DCC: variants seen among roughly 807,000 people sequenced by gnomAD.
DCC encodes netrin receptor DCC.
DCC carries 58 observed loss-of-function variants against 172.5 expected under a neutral mutation model. The ratio of observed to expected loss-of-function variants is 0.34; its 90% CI spans 0.27 to 0.42. DCC has a LOEUF of 0.42. DCC is among the 10% of genes least tolerant of loss of function. DCC has a pLI of 1.00. For missense variants in DCC, 1,740 were observed against 1,791.0 expected (o/e 0.97, Z 0.51); for synonymous variants, 709 against 644.5 (o/e 1.10, Z -1.52).
At chr18:52,857,293 G>C (rs928936960) in intron 2 of DCC, among the ~76,000 whole-genome samples, 1 of 152,156 alleles carries the variant, frequency 6.6e-6, no homozygotes, top group African/African-American at 2.4e-5. Context: ...AAAGATACAT[G>C]CTAATGGATG....
intron 1 of DCC, among the ~76,000 whole-genome samples, chr18:52,676,139 C>A (rs2144980082): frequency 6.6e-6 from 1 of 152,256 alleles, no homozygotes; most frequent in East Asian, 1.9e-4. Flanking sequence ...AACAATGGAA[C>A]AGGAAACAGG....
At chr18:53,155,431 C>A (rs1432221194) in intron 7 of DCC, among the ~76,000 whole-genome samples, 2 of 152,142 alleles carry the variant, frequency 1.3e-5, no homozygotes, top group Non-Finnish European at 1.5e-5. Context: ...GACTTGAGAA[C>A]TTTAACAAAC....
chr18:53,205,191 C>T (rs769339663), intron 9 of DCC, 25 bp from the exon 10 acceptor site: 41 of 1,602,320 alleles, frequency 2.6e-5, no homozygotes, highest in Non-Finnish European at 3.5e-5. Flanking sequence ...ACTTTTCTTT[C>T]TTTCTTTATT....
intron 27 of DCC, among the ~76,000 whole-genome samples, chr18:53,512,650 A>G (rs2046271818): frequency 6.6e-6 from 1 of 152,072 alleles, no homozygotes; most frequent in African/African-American, 2.4e-5. Flanking sequence ...AGGCTGGAGA[A>G]CTATGTGAAG....
intron 1 of DCC, among the ~76,000 whole-genome samples, chr18:52,626,317 A>C (rs1361619551): frequency 6.6e-6 from 1 of 152,158 alleles, no homozygotes. Flanking sequence ...CATTCAATTC[A>C]CAAGCATATC....
intron 5 of DCC, among the ~76,000 whole-genome samples, chr18:52,931,102 G>C (rs1174658561): frequency 6.6e-6 from 1 of 151,824 alleles, no homozygotes; most frequent in Non-Finnish European, 1.5e-5. Flanking sequence ...ACTCTAGAAG[G>C]CATAATTTAC....
chr18:52,806,265 C>T (rs1490078252), intron 2 of DCC, among the ~76,000 whole-genome samples: 1 of 152,156 alleles, frequency 6.6e-6, no homozygotes, highest in Non-Finnish European at 1.5e-5. Flanking sequence ...AACCTCGCTC[C>T]CGTCAACATC....
chr18:52,944,136 A>G (rs1029522769), intron 5 of DCC, among the ~76,000 whole-genome samples: 1 of 152,210 alleles, frequency 6.6e-6, no homozygotes, highest in African/African-American at 2.4e-5. Flanking sequence ...AAATCATTCT[A>G]ATAACATTTC....
chr18:52,877,708 A>C (rs2145397155), intron 2 of DCC, among the ~76,000 whole-genome samples: 1 of 152,140 alleles, frequency 6.6e-6, no homozygotes, highest in African/African-American at 2.4e-5. Context: ...ACAATATAAA[A>C]AAAAAAATTA....
intron 2 of DCC, among the ~76,000 whole-genome samples, chr18:52,846,676 T>C (rs192569185): frequency 1.8e-4 from 28 of 151,708 alleles, no homozygotes; most frequent in Admixed American, 1.8e-3. Context: ...TCTTGGTGTC[T>C]CTCGCAGAGA....
rs140126474 is a variant in DCC at position 52,467,037 on chromosome 18, G to GTT, written c.91+126165_91+126166dup. Among the ~76,000 whole-genome samples the GTT allele has an allele frequency of 9.6e-4, 123 of 127,786 alleles. 1 individual carries two copies. The highest frequency in any genetic ancestry group is 2.7e-3 in the African/African-American group (95 of 35,478). The allele number at this position is 127,786 out of a possible 152,430, so 83.8% of individuals were successfully genotyped here. A position where few individuals can be genotyped will look rare whatever the true frequency, so the allele number is the denominator to read the frequency against. ...TGTGGTTCTTCTTGCTGTAAAAGTG[G>GTT]TTTTTTTAAAAAAAAAATATATATA... On this transcript the variant is annotated intron_variant, in intron 1 of 28. Coordinates refer to ENST00000442544, the MANE Select transcript of DCC (RefSeq NM_005215.4).
intron 2 of DCC, among the ~76,000 whole-genome samples, chr18:52,778,428 A>G (rs2037473715): frequency 6.6e-6 from 1 of 152,174 alleles, no homozygotes; most frequent in Non-Finnish European, 1.5e-5. Flanking sequence ...TGAACCGTTA[A>G]CATTTTTTTC....
chr18:52,787,246 C>T (rs2037676933), intron 2 of DCC, among the ~76,000 whole-genome samples: 1 of 152,102 alleles, frequency 6.6e-6, no homozygotes, highest in Non-Finnish European at 1.5e-5. Flanking sequence ...CTTCATAAGT[C>T]CCATACATTC....
chr18:52,429,936 T>C (rs1300337337), intron 1 of DCC, among the ~76,000 whole-genome samples: 1 of 152,124 alleles, frequency 6.6e-6, no homozygotes, highest in Non-Finnish European at 1.5e-5. Context: ...TTTGAGCTGG[T>C]CATGGGAGGA....
chr18:53,473,915 A>G (rs1195168486), intron 25 of DCC, among the ~76,000 whole-genome samples: 1 of 152,180 alleles, frequency 6.6e-6, no homozygotes, highest in South Asian at 2.1e-4. Flanking sequence ...ATATTGCTTC[A>G]TACTGTTATC....
chr18:52,640,017 T>C (rs1042753639), intron 1 of DCC, among the ~76,000 whole-genome samples: 2 of 152,120 alleles, frequency 1.3e-5, no homozygotes, highest in Non-Finnish European at 2.9e-5. Flanking sequence ...TATTCCACCA[T>C]GATAAAGTGG....
At position 52,705,076 on chromosome 18, in the gene DCC, A is replaced by C. The variant is rs546973548; in HGVS notation, c.92-46978A>C. On this transcript the variant is annotated intron_variant, in intron 1 of 28. Coordinates refer to ENST00000442544, the MANE Select transcript of DCC (RefSeq NM_005215.4). Reference sequence around the variant, plus strand: ...TTATCTCTTAGGATTCCCTTAAGGAAGTATGTTATGCAAAGCATGACTATA... The same window carrying C: ...TTATCTCTTAGGATTCCCTTAAGGACGTATGTTATGCAAAGCATGACTATA... Among the ~76,000 whole-genome samples the C allele has an allele frequency of 6.8e-4, 104 of 152,306 alleles. No homozygotes were observed. In the Middle Eastern group the frequency reaches 0.014, roughly 20 times the overall value.
intron 5 of DCC, among the ~76,000 whole-genome samples, chr18:53,022,545 G>A (rs1363416298): frequency 4.4e-5 from 2 of 45,102 alleles, no homozygotes; most frequent in African/African-American, 4.7e-5. Flanking sequence ...ATATATGTGC[G>A]TGTGTGTGTG....
chr18:53,432,733 C>A (rs549363458), intron 21 of DCC, among the ~76,000 whole-genome samples: 2 of 130,038 alleles, frequency 1.5e-5, no homozygotes, highest in East Asian at 2.3e-4. Context: ...ATGGGAGAAT[C>A]TTTTATCATT....
Sources: gnomAD v4.1 joint callset for allele counts (sites outside exome capture counted in the v4.1 genomes callset) on GRCh38, gnomAD v4.1.1 for gene constraint, MANE v1.5 for transcripts, NCBI Gene and HGNC (gene_info 2026-07-23, HGNC 2026-07-21) for gene names.